Variants in TIMP2 observed in about 807,000 individuals in gnomAD.
The protein encoded by TIMP2 is metalloproteinase inhibitor 2.
A neutral mutation model predicts 24.3 loss-of-function variants in TIMP2; 5 were observed. That is an observed-to-expected ratio of 0.21 (90% CI 0.11 to 0.43). TIMP2 has a LOEUF of 0.43. Ranked by LOEUF, TIMP2 falls within the 20% of genes least tolerant of loss-of-function variation. The pLI is 1.00. For missense variants in TIMP2, 221 were observed against 297.5 expected (o/e 0.74, Z 1.89); for synonymous variants, 130 against 123.2 (o/e 1.06, Z -0.37).
At chr17:78,858,817 G>A (rs546573136) in intron 3 of TIMP2, among the ~76,000 whole-genome samples, 3 of 152,090 alleles carry the variant, frequency 2.0e-5, no homozygotes, top group Admixed American at 6.6e-5. Flanking sequence ...GAGCCACCAC[G>A]CCTGGCCCCA....
At chr17:78,912,552 T>C (rs995343354) in intron 1 of TIMP2, among the ~76,000 whole-genome samples, 3 of 152,172 alleles carry the variant, frequency 2.0e-5, no homozygotes, top group African/African-American at 4.8e-5. Context: ...ACCCGTGCGA[T>C]GAAGAGCACA....
chr17:78,890,183 G>A (rs935052089), intron 1 of TIMP2, among the ~76,000 whole-genome samples: 3 of 151,304 alleles, frequency 2.0e-5, no homozygotes, highest in African/African-American at 7.3e-5. Flanking sequence ...TGCCCTGGAG[G>A]ACGGTATAAT....
intron 1 of TIMP2, among the ~76,000 whole-genome samples, chr17:78,884,193 C>T (rs534788138): frequency 5.3e-5 from 8 of 152,296 alleles, no homozygotes; most frequent in East Asian, 3.9e-4. Context: ...CCCTGCAACC[C>T]GCCCCCCTAC....
intron 3 of TIMP2, among the ~76,000 whole-genome samples, chr17:78,869,747 G>A (rs561955727): frequency 1.4e-4 from 21 of 152,104 alleles, no homozygotes; most frequent in South Asian, 2.1e-4. Flanking sequence ...CCTGGGAAGC[G>A]GAGGTTGCAG....
intron 3 of TIMP2, among the ~76,000 whole-genome samples, chr17:78,869,533 G>A (rs568158460): frequency 1.8e-4 from 28 of 152,234 alleles, no homozygotes; most frequent in African/African-American, 5.8e-4. Context: ...ATTTTGGGCC[G>A]GGTGTGGTGG....
At position 78,918,072 on chromosome 17, in the gene TIMP2, A is replaced by ACACT. The variant is rs1568009319; in HGVS notation, c.130+6886_130+6887insAGTG. On this transcript the variant is annotated intron_variant, in intron 1 of 4. Transcript: ENST00000262768. ...CGTACGCGTGCACACACAAACACAC[A>ACACT]CACACACACACACACACACACACAC... 5.1e-4 allele frequency among the ~76,000 whole-genome samples: 54 copies of ACACT among 106,188 alleles called. 1 individual carries two copies. Among genetic ancestry groups the ACACT allele is most frequent in the African/African-American group, 1.9e-3 (53 of 28,192 alleles). The allele number at this position is 106,188 out of a possible 152,430, so 69.7% of individuals were successfully genotyped here. A position where few individuals can be genotyped will look rare whatever the true frequency, so the allele number is the denominator to read the frequency against.
At chr17:78,866,391 T>C (rs562688606) in intron 3 of TIMP2, among the ~76,000 whole-genome samples, 17 of 150,782 alleles carry the variant, frequency 1.1e-4, no homozygotes, top group Admixed American at 6.6e-4. Flanking sequence ...CTCCATTTGA[T>C]TTTTTTTTTC....
chr17:78,858,552 GCT>G (rs2069543735), intron 3 of TIMP2, among the ~76,000 whole-genome samples: 1 of 151,912 alleles, frequency 6.6e-6, no homozygotes, highest in Non-Finnish European at 1.5e-5. Flanking sequence ...AGACAGTCTT[GCT>G]CTGTCGCTCA....
At position 78,924,214 on chromosome 17, in the gene TIMP2, C is replaced by T. The variant is rs980096987; in HGVS notation, c.130+745G>A. Among the ~76,000 whole-genome samples, 1 of 152,220 alleles carries T rather than the reference C, an allele frequency of 6.6e-6. No individual in the cohort carries two copies. Among genetic ancestry groups the T allele is most frequent in the Non-Finnish European group, 1.5e-5 (1 of 68,030 alleles). ...GGAGTCCGGAGGTCATGGGTATTTG[C>T]TGGGGAATCTGAGCAGCAGCACAGT... On this transcript the variant is annotated intron_variant, in intron 1 of 4. Transcript: ENST00000262768. This position sits in a 1 kb window ranked among gnomAD's most constrained non-coding sequence, Gnocchi z 5.3.
At chr17:78,921,643 C>T (rs543516378) in intron 1 of TIMP2, among the ~76,000 whole-genome samples, 14 of 152,270 alleles carry the variant, frequency 9.2e-5, no homozygotes, top group South Asian at 2.1e-4. Context: ...GAGAGGGAGC[C>T]GGGCCAGCAG....
chr17:78,876,351 T>C (rs2145757254), intron 1 of TIMP2, among the ~76,000 whole-genome samples: 1 of 152,070 alleles, frequency 6.6e-6, no homozygotes, highest in East Asian at 1.9e-4. Context: ...GACAAGTTTC[T>C]TTCTTTCTTT....
intron 2 of TIMP2, among the ~76,000 whole-genome samples, chr17:78,873,590 G>A (rs2069704023): frequency 6.6e-6 from 1 of 152,178 alleles, no homozygotes; most frequent in Non-Finnish European, 1.5e-5. Context: ...GCAACGCCCG[G>A]ACAGGTTTCT....
chr17:78,879,898 C>T (rs1442590985), intron 1 of TIMP2, among the ~76,000 whole-genome samples: 2 of 151,832 alleles, frequency 1.3e-5, no homozygotes, highest in Admixed American at 6.6e-5. Flanking sequence ...ATCCCGAGCG[C>T]ACCCGCCAGA....
intron 1 of TIMP2, among the ~76,000 whole-genome samples, chr17:78,912,933 C>G (rs186957808): frequency 6.6e-6 from 1 of 152,088 alleles, no homozygotes; most frequent in Non-Finnish European, 1.5e-5. Context: ...GGCCAGGCAC[C>G]GTGGCACAAG....
At chr17:78,916,470 C>T (rs1312949840) in intron 1 of TIMP2, among the ~76,000 whole-genome samples, 2 of 152,186 alleles carry the variant, frequency 1.3e-5, no homozygotes, top group South Asian at 2.1e-4. Context: ...GAGACCTCTA[C>T]CCGCCTGAGC....
chr17:78,884,414 G>C (rs1472476755), intron 1 of TIMP2, among the ~76,000 whole-genome samples: 1 of 152,192 alleles, frequency 6.6e-6, no homozygotes, highest in Non-Finnish European at 1.5e-5. Flanking sequence ...GCTGTTCGTC[G>C]GACCCAGGGT....
chr17:78,908,094 C>T (rs1421475351), intron 1 of TIMP2, among the ~76,000 whole-genome samples: 8 of 152,042 alleles, frequency 5.3e-5, no homozygotes, highest in Non-Finnish European at 8.8e-5. Context: ...GAGATCGCAC[C>T]ACTGCACTCC....
chr17:78,884,524 C>G (rs1022982443), intron 1 of TIMP2, among the ~76,000 whole-genome samples: 1 of 152,128 alleles, frequency 6.6e-6, no homozygotes, highest in Admixed American at 6.5e-5. Context: ...TCCACACACC[C>G]AGGAAAGAAT....
chr17:78,892,417 C>A, intron 1 of TIMP2: 1 of 1,549,332 alleles, frequency 6.5e-7, no homozygotes, highest in Non-Finnish European at 8.7e-7. Context: ...GGGGCGCCCC[C>A]GGGCCTGAGG....
Sources: allele counts gnomAD v4.1 joint callset (sites outside exome capture counted in the v4.1 genomes callset), GRCh38; gene constraint gnomAD v4.1.1; non-coding constraint Gnocchi (gnomAD v3.1); transcripts MANE v1.5; gene names NCBI Gene and HGNC (gene_info 2026-07-23, HGNC 2026-07-21).